Variants in CNTNAP2 observed in about 807,000 individuals in gnomAD.
CNTNAP2 encodes the protein contactin associated protein 2.
In CNTNAP2, 98 loss-of-function variants were observed where a neutral mutation model predicts 155.2. That is an observed-to-expected ratio of 0.63 (90% CI 0.54 to 0.75). CNTNAP2 has a LOEUF of 0.75. Among genes scored for constraint, CNTNAP2 ranks in the 30% least tolerant of loss-of-function variants. The pLI is 0.00. For synonymous variants in CNTNAP2, 651 were observed against 631.2 expected (o/e 1.03, Z -0.47); for missense variants, 1,727 against 1,688.1 (o/e 1.02, Z -0.40).
At chr7:146,395,812 GATAGATAGATAGAGGAGA>G (rs1563068351) in intron 1 of CNTNAP2, among the ~76,000 whole-genome samples, 3 of 141,196 alleles carry the variant, frequency 2.1e-5, no homozygotes, top group Non-Finnish European at 4.5e-5. Flanking sequence ...TAGATAGATA[GATAGATAGATAGAGGAGA>G]GAGAGAGAGA....
chr7:146,411,581 A>T (rs1795865122), intron 1 of CNTNAP2, among the ~76,000 whole-genome samples: 1 of 152,232 alleles, frequency 6.6e-6, no homozygotes, highest in East Asian at 1.9e-4. Flanking sequence ...TCAAAACATC[A>T]TATTGTACGC....
Position 146,949,755 on chromosome 7 carries a change from C to T in CNTNAP2, c.403-94152C>T, listed in dbSNP as rs1316504589. ...GGCCAATGTTCTCATGGTGCCATTG[C>T]TTTGATGTTGAGGCACTTACAGACC... On this transcript the variant is annotated intron_variant, in intron 3 of 23. Coordinates refer to ENST00000361727, the MANE Select transcript of CNTNAP2 (RefSeq NM_014141.6). Among the ~76,000 whole-genome samples the T allele has an allele frequency of 2.6e-5, 4 of 152,218 alleles. No individual in the cohort carries two copies. The South Asian group carries it at 6.2e-4, about 24-fold the overall frequency.
At chr7:147,249,025 A>G (rs1025992670) in intron 8 of CNTNAP2, among the ~76,000 whole-genome samples, 1 of 152,206 alleles carries the variant, frequency 6.6e-6, no homozygotes. Context: ...ACACACACAC[A>G]TACAAAATTT....
chr7:146,375,053 A>G (rs993626226), intron 1 of CNTNAP2, among the ~76,000 whole-genome samples: 4 of 152,232 alleles, frequency 2.6e-5, no homozygotes, highest in African/African-American at 4.8e-5. Flanking sequence ...TTGCCTTTGA[A>G]AGATACACTG....
At chr7:146,859,016 G>T (rs772467472) in intron 3 of CNTNAP2, among the ~76,000 whole-genome samples, 1 of 152,088 alleles carries the variant, frequency 6.6e-6, no homozygotes, top group Non-Finnish European at 1.5e-5. Flanking sequence ...CATAAGAAAG[G>T]CCCAAGTGCT....
At chr7:147,244,394 T>A (rs568175269) in intron 8 of CNTNAP2, among the ~76,000 whole-genome samples, 2 of 152,196 alleles carry the variant, frequency 1.3e-5, no homozygotes, top group East Asian at 1.9e-4. Flanking sequence ...GTTAAAAAAA[T>A]ATATATTAAA....
intron 21 of CNTNAP2, among the ~76,000 whole-genome samples, chr7:148,290,767 C>T (rs1449182202): frequency 6.6e-6 from 1 of 152,218 alleles, no homozygotes; most frequent in Non-Finnish European, 1.5e-5. Context: ...CTCAGGCTCA[C>T]CTCTTTACAA....
At chr7:148,066,155 G>A (rs978466349) in intron 15 of CNTNAP2, among the ~76,000 whole-genome samples, 1 of 152,228 alleles carries the variant, frequency 6.6e-6, no homozygotes, top group Non-Finnish European at 1.5e-5. Context: ...GAAATCTGCT[G>A]TTAATCTGAT....
At chr7:146,741,937 A>G (rs1801724353) in intron 1 of CNTNAP2, among the ~76,000 whole-genome samples, 1 of 152,158 alleles carries the variant, frequency 6.6e-6, no homozygotes, top group Non-Finnish European at 1.5e-5. Flanking sequence ...AATAGCAATA[A>G]TCCAGGCATG....
rs1412607718 is a variant in CNTNAP2 at position 148,415,672 on chromosome 7, AG to A, written c.*59del. 19 of 1,599,226 alleles carry A rather than the reference AG, an allele frequency of 1.2e-5. No individual in the cohort carries two copies. The highest frequency in any genetic ancestry group is 1.5e-5 in the Non-Finnish European group (18 of 1,167,494). On this transcript the variant is annotated 3_prime_UTR_variant, in exon 24 of 24. Transcript: ENST00000361727. ...GAGGGAATTACTAGGGAGGAGAGAA[AG>A]GGACAAAAGCACCCTGCTTCATACT... is the stretch of plus-strand genomic sequence containing the variant.
At chr7:146,196,825 C>T (rs1010842257) in intron 1 of CNTNAP2, among the ~76,000 whole-genome samples, 7 of 152,166 alleles carry the variant, frequency 4.6e-5, no homozygotes, top group African/African-American at 9.6e-5. Context: ...TTTGTATTGT[C>T]GCACTACTAT....
At position 147,326,394 on chromosome 7, in the gene CNTNAP2, C is replaced by T. The variant is rs1456416182; in HGVS notation, c.1498+26104C>T. Among the ~76,000 whole-genome samples, 5 of 152,122 alleles carry T rather than the reference C, an allele frequency of 3.3e-5. No individual in the cohort carries two copies. In the South Asian group the frequency reaches 6.2e-4, roughly 19 times the overall value. On this transcript the variant is annotated intron_variant, in intron 9 of 23. Transcript: ENST00000361727. ...ATTTTGATTCTTTTCATGGTTGAATCGTATTTCATTGTATGTGTCTATCAC... is the reference window on the plus strand; with the variant it reads ...ATTTTGATTCTTTTCATGGTTGAATTGTATTTCATTGTATGTGTCTATCAC...
At chr7:147,182,475 T>C (rs1006984830) in intron 8 of CNTNAP2, among the ~76,000 whole-genome samples, 1 of 152,198 alleles carries the variant, frequency 6.6e-6, no homozygotes, top group African/African-American at 2.4e-5. Context: ...TTATTAACCC[T>C]ATACTAAGCA....
intron 13 of CNTNAP2, among the ~76,000 whole-genome samples, chr7:147,653,011 A>G (rs147696636): frequency 0.015 from 2,265 of 152,328 alleles, 181 homozygotes; most frequent in Admixed American, 0.14. Flanking sequence ...ATATTAAAAA[A>G]TATGGTTTAT....
intron 1 of CNTNAP2, among the ~76,000 whole-genome samples, chr7:146,528,870 C>G (rs1396132432): frequency 6.6e-6 from 1 of 152,018 alleles, no homozygotes; most frequent in Non-Finnish European, 1.5e-5. Context: ...CTGACTTTAT[C>G]ACACTGCAGT....
intron 22 of CNTNAP2, among the ~76,000 whole-genome samples, chr7:148,386,671 T>TAACA (rs1799203516): frequency 6.6e-6 from 1 of 152,122 alleles, no homozygotes; most frequent in South Asian, 2.1e-4. Flanking sequence ...GAAGGTTACT[T>TAACA]AACAGCAGCC....
intron 21 of CNTNAP2, among the ~76,000 whole-genome samples, chr7:148,290,177 T>A (rs1385422993): frequency 2.0e-5 from 3 of 152,210 alleles, no homozygotes; most frequent in Non-Finnish European, 4.4e-5. Flanking sequence ...TTTTAGTATT[T>A]AAGGTGATAA....
At chr7:146,117,873 C>A (rs1441367205) in intron 1 of CNTNAP2, among the ~76,000 whole-genome samples, 1 of 151,948 alleles carries the variant, frequency 6.6e-6, no homozygotes, top group Non-Finnish European at 1.5e-5. Flanking sequence ...AGAAAGACTG[C>A]CTATAGGAAT....
intron 13 of CNTNAP2, among the ~76,000 whole-genome samples, chr7:147,866,391 T>C (rs1205063558): frequency 6.6e-6 from 1 of 152,216 alleles, no homozygotes; most frequent in Non-Finnish European, 1.5e-5. Flanking sequence ...AAAATGTGTA[T>C]TCTGTTGATT....
Sources: gnomAD v4.1 joint callset for allele counts (sites outside exome capture counted in the v4.1 genomes callset) on GRCh38, gnomAD v4.1.1 for gene constraint, MANE v1.5 for transcripts, NCBI Gene and HGNC (gene_info 2026-07-23, HGNC 2026-07-21) for gene names.